Variants in PCDHGA6 observed in about 807,000 individuals in gnomAD.
The protein encoded by PCDHGA6 is protocadherin gamma subfamily A, 6.
PCDHGA6 carries 41 observed loss-of-function variants against 60.6 expected under a neutral mutation model. The ratio of observed to expected loss-of-function variants is 0.68; its 90% confidence interval spans 0.53 to 0.88. The LOEUF (loss-of-function observed/expected upper bound fraction) is 0.88. PCDHGA6 is among the 40% of genes least tolerant of loss of function. PCDHGA6 has a pLI of 0.00. For missense variants in PCDHGA6, 1,312 were observed against 1,203.0 expected, an observed-to-expected ratio of 1.09 and a Z score of -1.34; for synonymous variants, 594 against 524.4, an observed-to-expected ratio of 1.13 and a Z score of -1.81.
chr5:141,455,533 T>C (rs1232689740), intron 1 of PCDHGA6, among the ~76,000 whole-genome samples: 1 of 152,134 alleles, frequency 6.6e-6, no homozygotes, highest in African/African-American at 2.4e-5. Flanking sequence ...TGACCAGGCA[T>C]ATCATTCACG....
intron 1 of PCDHGA6, chr5:141,423,426 G>A: frequency 6.2e-7 from 1 of 1,614,028 alleles, no homozygotes; most frequent in Non-Finnish European, 8.5e-7. Context: ...AAGGCGGGTT[G>A]GCAGGTATGC....
chr5:141,486,379 G>A lies in PCDHGA6; in HGVS notation c.2425-8428G>A. 2 of 1,614,094 alleles carry A rather than the reference G, an allele frequency of 1.2e-6. No individual in the cohort carries two copies. Among genetic ancestry groups the A allele is most frequent in the Non-Finnish European group, 1.7e-6 (2 of 1,180,000 alleles). ...CATTTGCCCTCAAGTCTGCCTTCAG[G>A]AACCAGTTCTCCCTGGTGACTGCTG... On this transcript the variant is annotated intron_variant, in intron 1 of 3. Transcript: ENST00000517434. The surrounding 1 kb of genome is among the most constrained non-coding windows in gnomAD (Gnocchi z 5.0).
At chr5:141,448,086 TA>T (rs558292628) in intron 1 of PCDHGA6, among the ~76,000 whole-genome samples, 67 of 146,274 alleles carry the variant, frequency 4.6e-4, no homozygotes, top group African/African-American at 8.0e-4. Context: ...AATGCCATCT[TA>T]AAAAAAAAAA....
chr5:141,464,515 A>C (rs969421973), intron 1 of PCDHGA6, among the ~76,000 whole-genome samples: 4 of 152,028 alleles, frequency 2.6e-5, no homozygotes, highest in Non-Finnish European at 4.4e-5. Flanking sequence ...CATAAGGTAA[A>C]GGCATATGTA....
intron 1 of PCDHGA6, among the ~76,000 whole-genome samples, chr5:141,466,909 ACTC>A (rs1249720055): frequency 6.6e-6 from 1 of 151,110 alleles, no homozygotes; most frequent in Non-Finnish European, 1.5e-5. Flanking sequence ...GTTTTTGAAA[ACTC>A]CTTGTATTAG....
rs750109717 is a variant in PCDHGA6, at chr5:141,490,546, A to C, written c.2425-4261A>C. 1.9e-6 allele frequency: 3 copies of C among 1,614,110 alleles called. No individual in the cohort carries two copies. Among genetic ancestry groups the C allele is most frequent in the Non-Finnish European group, 2.5e-6 (3 of 1,180,036 alleles). On this transcript the variant is annotated intron_variant, in intron 1 of 3. Transcript: ENST00000517434. The surrounding 1 kb of genome is among the most constrained non-coding windows in gnomAD (Gnocchi z 5.4). ...CGATGCTGGTTCACCTTCCCTACAC[A>C]AACATCTCACCATCAGGCTCAACAT...
chr5:141,482,529 G>GAAAAAAAA (rs1256461887), intron 1 of PCDHGA6, among the ~76,000 whole-genome samples: 1 of 56,042 alleles, frequency 1.8e-5, no homozygotes, highest in Admixed American at 1.9e-4. Context: ...AGACAGACAT[G>GAAAAAAAA]CAAAAAAAAA....
chr5:141,439,445 G>T (rs1030957687), intron 1 of PCDHGA6, among the ~76,000 whole-genome samples: 1 of 152,102 alleles, frequency 6.6e-6, no homozygotes, highest in Non-Finnish European at 1.5e-5. Context: ...ATTTTATTGC[G>T]GGAGCAAGAC....
At position 141,490,169 on chromosome 5, in the gene PCDHGA6, T is replaced by C; in HGVS notation, c.2425-4638T>C. ...ATCCATGTGTTGGGTCCCATAGACT[T>C]TGAGGAGTCACGTTTCTATGAAATT... On this transcript the variant is annotated intron_variant, in intron 1 of 3. Transcript: ENST00000517434. This position sits in a 1 kb window ranked among gnomAD's most constrained non-coding sequence, Gnocchi z 5.4. 6.2e-7 allele frequency: 1 copy of C among 1,614,190 alleles called. No individual in the cohort carries two copies. The highest frequency in any genetic ancestry group is 8.5e-7 in the Non-Finnish European group (1 of 1,180,018).
intron 1 of PCDHGA6, among the ~76,000 whole-genome samples, chr5:141,474,243 G>GA (rs1161758975): frequency 2.6e-5 from 4 of 152,050 alleles, no homozygotes; most frequent in Admixed American, 1.3e-4. Context: ...CTGAATAGGG[G>GA]AAAAAAAGAC....
chr5:141,418,093 C>A, intron 1 of PCDHGA6: 2 of 1,614,032 alleles, frequency 1.2e-6, no homozygotes, highest in Non-Finnish European at 1.7e-6. Context: ...TCAGCGTAGA[C>A]GCGCAGAGCG....
At chr5:141,481,587 G>A (rs1276529821) in intron 1 of PCDHGA6, among the ~76,000 whole-genome samples, 1 of 152,198 alleles carries the variant, frequency 6.6e-6, no homozygotes, top group African/African-American at 2.4e-5. Context: ...GGAGGCTGAG[G>A]CCAGCGGATC....
chr5:141,408,313 T>C, intron 1 of PCDHGA6: 1 of 1,613,758 alleles, frequency 6.2e-7, no homozygotes, highest in South Asian at 1.1e-5. Context: ...GCTACTCGAT[T>C]CCGGAGGAGC....
chr5:141,476,018 A>G lies in PCDHGA6; in HGVS notation c.2425-18789A>G. 7.3e-7 allele frequency: 1 copy of G among 1,371,412 alleles called. No homozygotes were observed. Among genetic ancestry groups the G allele is most frequent in the African/African-American group, 1.4e-5 (1 of 69,226 alleles). The allele number at this position is 1,371,412 out of a possible 1,614,324, so 85.0% of individuals were successfully genotyped here. A position where few individuals can be genotyped will look rare whatever the true frequency, so the allele number is the denominator to read the frequency against. The stretch of plus-strand genomic sequence containing the variant: ...AACGGCATCCAGAAAGCCATGTCGG[A>G]CTCGGCGCCCAGCGCCCAAGCGCTA... On this transcript the variant is annotated intron_variant, in intron 1 of 3. Coordinates refer to ENST00000517434, the MANE Select transcript of PCDHGA6 (RefSeq NM_018919.3). This position sits in a 1 kb window ranked among gnomAD's most constrained non-coding sequence, Gnocchi z 7.6.
chr5:141,434,209 A>G (rs946478332), intron 1 of PCDHGA6, among the ~76,000 whole-genome samples: 17 of 152,216 alleles, frequency 1.1e-4, no homozygotes, highest in African/African-American at 4.1e-4. Flanking sequence ...TACTTCTGTC[A>G]GTGTAAACAA....
At chr5:141,484,908 G>T in intron 1 of PCDHGA6, 1 of 415,428 alleles carries the variant, frequency 2.4e-6, no homozygotes, top group East Asian at 4.2e-5. Context: ...ATGCTGCGAC[G>T]CATTAACCCT....
intron 1 of PCDHGA6, chr5:141,393,417 A>C: frequency 6.2e-7 from 1 of 1,614,032 alleles, no homozygotes; most frequent in Non-Finnish European, 8.5e-7. Context: ...CGCCCTGGAC[A>C]GGGAGGAAGA....
At chr5:141,403,056 T>A in intron 1 of PCDHGA6, 1 of 1,614,046 alleles carries the variant, frequency 6.2e-7, no homozygotes, top group Non-Finnish European at 8.5e-7. Flanking sequence ...CGCTACTCAG[T>A]GCCTGAAGAG....
rs1423639578 is a variant in PCDHGA6, at chr5:141,383,107, G to T, written c.2424+6600G>T. The T allele has an allele frequency of 3.1e-6, 5 of 1,613,914 alleles. No individual in the cohort carries two copies. In the East Asian group the frequency reaches 6.7e-5, roughly 22 times the overall value. Reference sequence around the variant, plus strand: ...GCGCGGAGTCCGCATCATCTCCAGAGGTAGGACGCAGCTTTTCGCCCTGAA... The same window carrying T: ...GCGCGGAGTCCGCATCATCTCCAGATGTAGGACGCAGCTTTTCGCCCTGAA... On this transcript the variant is annotated intron_variant, in intron 1 of 3. Coordinates refer to ENST00000517434, the MANE Select transcript of PCDHGA6 (RefSeq NM_018919.3).
Sources: allele counts gnomAD v4.1 joint callset (sites outside exome capture counted in the v4.1 genomes callset), GRCh38; gene constraint gnomAD v4.1.1; non-coding constraint Gnocchi (gnomAD v3.1); transcripts MANE v1.5; gene names NCBI Gene and HGNC (gene_info 2026-07-23, HGNC 2026-07-21).